CDH13: variants seen among roughly 807,000 people sequenced by gnomAD.
CDH13 encodes cadherin-13.
In CDH13, 24 loss-of-function variants were observed where a neutral mutation model predicts 63.8. The ratio of observed to expected loss-of-function variants is 0.38; its 90% CI spans 0.27 to 0.53. CDH13 has a LOEUF of 0.53. CDH13 is among the 20% of genes least tolerant of loss of function. The pLI is 0.85. For synonymous variants in CDH13, 503 were observed against 355.3 expected (o/e 1.42, Z -4.67); for missense variants, 1,049 against 903.1 (o/e 1.16, Z -2.07).
At chr16:82,733,001 G>C (rs1388974635) in intron 1 of CDH13, among the ~76,000 whole-genome samples, 5 of 152,146 alleles carry the variant, frequency 3.3e-5, no homozygotes, top group African/African-American at 1.2e-4. Context: ...TTGTTTTTCT[G>C]CTTTCTCAAC....
At position 83,634,143 on chromosome 16, in the gene CDH13, G is replaced by T. The variant is rs1275545569; in HGVS notation, c.1101+31549G>T. ...TGTGTGTGTGTGTGTGTATGTGTGTGTGTGTGTGTGTGTGTGTGGTCCTAC... is the reference window on the plus strand; with the variant it reads ...TGTGTGTGTGTGTGTGTATGTGTGTTTGTGTGTGTGTGTGTGTGGTCCTAC... On this transcript the variant is annotated intron_variant, in intron 8 of 13. Transcript: ENST00000567109. Among the ~76,000 whole-genome samples the T allele has an allele frequency of 3.3e-5, 5 of 151,794 alleles. No homozygotes were observed. The East Asian group carries it at 9.7e-4, about 29-fold the overall frequency.
At chr16:82,720,157 C>T (rs1312691119) in intron 1 of CDH13, among the ~76,000 whole-genome samples, 1 of 151,980 alleles carries the variant, frequency 6.6e-6, no homozygotes, top group Non-Finnish European at 1.5e-5. Flanking sequence ...TTTGGTGAAT[C>T]AGTGAGTGAC....
At position 83,557,445 on chromosome 16, in the gene CDH13, G is replaced by T. The variant is rs9934248; in HGVS notation, c.961-45009G>T. ...CAAAACTGGTCCCTCATGCTGAAAA[G>T]GTTGGGGACTGATGTTCTATGTATA... On this transcript the variant is annotated intron_variant, in intron 7 of 13. Transcript: ENST00000567109. Among the ~76,000 whole-genome samples, 5 of 152,242 alleles carry T rather than the reference G, an allele frequency of 3.3e-5. 1 individual carries two copies. The highest frequency in any genetic ancestry group is 1.9e-4 in the East Asian group (1 of 5,190).
intron 1 of CDH13, among the ~76,000 whole-genome samples, chr16:82,764,016 G>C (rs909982167): frequency 1.3e-5 from 2 of 152,198 alleles, no homozygotes; most frequent in African/African-American, 4.8e-5. Context: ...ACAAGGACTG[G>C]TTGCATCTCA....
At chr16:83,302,343 C>A (rs369796923) in intron 5 of CDH13, among the ~76,000 whole-genome samples, 1 of 152,106 alleles carries the variant, frequency 6.6e-6, no homozygotes, top group Non-Finnish European at 1.5e-5. Context: ...TAGATAATTC[C>A]ATGGCAATCA....
chr16:83,248,399 C>G (rs1905174181), intron 5 of CDH13, among the ~76,000 whole-genome samples: 1 of 152,050 alleles, frequency 6.6e-6, no homozygotes, highest in Non-Finnish European at 1.5e-5. Context: ...CAGAAACTTC[C>G]CCTAGATCAG....
At chr16:82,983,540 G>A (rs1910555809) in intron 2 of CDH13, among the ~76,000 whole-genome samples, 1 of 152,174 alleles carries the variant, frequency 6.6e-6, no homozygotes, top group Non-Finnish European at 1.5e-5. Context: ...ACCAGACGAT[G>A]CAAACTCCTT....
chr16:82,692,391 A>G (rs75462278), intron 1 of CDH13, among the ~76,000 whole-genome samples: 11,239 of 152,280 alleles, frequency 0.074, 687 homozygotes, highest in East Asian at 0.33. Flanking sequence ...AGGCTTCACA[A>G]TCATGGTGGA....
At chr16:83,128,275 G>C (rs2035898721) in intron 4 of CDH13, among the ~76,000 whole-genome samples, 1 of 152,164 alleles carries the variant, frequency 6.6e-6, no homozygotes, top group African/African-American at 2.4e-5. Context: ...GTCTTAAGCA[G>C]TCCTCCAAGA....
chr16:82,884,685 A>T (rs1418856563), intron 2 of CDH13, among the ~76,000 whole-genome samples: 1 of 152,246 alleles, frequency 6.6e-6, no homozygotes, highest in East Asian at 1.9e-4. Context: ...ATGCAATTGA[A>T]CTGGAAACAG....
At chr16:83,183,014 A>T (rs186734557) in intron 4 of CDH13, among the ~76,000 whole-genome samples, 2 of 152,292 alleles carry the variant, frequency 1.3e-5, no homozygotes, top group Admixed American at 6.5e-5. Context: ...ATTAAAAAAA[A>T]ACTGTGACCT....
chr16:82,736,257 A>C (rs1003568901), intron 1 of CDH13, among the ~76,000 whole-genome samples: 4 of 152,168 alleles, frequency 2.6e-5, no homozygotes, highest in Non-Finnish European at 4.4e-5. Context: ...TGGATGCCTA[A>C]CTAAATATAT....
chr16:82,916,591 A>G (rs548227607), intron 2 of CDH13, among the ~76,000 whole-genome samples: 1 of 152,202 alleles, frequency 6.6e-6, no homozygotes, highest in East Asian at 1.9e-4. Flanking sequence ...AAATAAATAA[A>G]TAAAGTAAAA....
chr16:83,381,033 A>T (rs531742725), intron 6 of CDH13, among the ~76,000 whole-genome samples: 33 of 152,056 alleles, frequency 2.2e-4, no homozygotes, highest in Non-Finnish European at 4.4e-4. Flanking sequence ...TTTAAAATAC[A>T]TGGTTTTATT....
chr16:83,088,469 G>C (rs2033724029), intron 3 of CDH13, among the ~76,000 whole-genome samples: 1 of 152,150 alleles, frequency 6.6e-6, no homozygotes, highest in Non-Finnish European at 1.5e-5. Flanking sequence ...GAACCACAAA[G>C]CCCAGAGTTT....
intron 1 of CDH13, among the ~76,000 whole-genome samples, chr16:82,726,170 G>T (rs1191925628): frequency 6.6e-6 from 1 of 152,146 alleles, no homozygotes. Context: ...GCGCACGGTA[G>T]GTTATACAGC....
chr16:82,980,410 A>C (rs1042691284), intron 2 of CDH13, among the ~76,000 whole-genome samples: 1 of 152,232 alleles, frequency 6.6e-6, no homozygotes, highest in African/African-American at 2.4e-5. Flanking sequence ...AACAGAAGCT[A>C]TCCAGCCTGG....
At chr16:83,763,399 CT>C (rs1567580078) in intron 11 of CDH13, among the ~76,000 whole-genome samples, 1 of 148,428 alleles carries the variant, frequency 6.7e-6, no homozygotes, top group Non-Finnish European at 1.5e-5. Flanking sequence ...TCAAAATATG[CT>C]TAGATTGATT....
intron 6 of CDH13, among the ~76,000 whole-genome samples, chr16:83,466,736 T>C (rs2073326692): frequency 6.6e-6 from 1 of 152,208 alleles, no homozygotes; most frequent in South Asian, 2.1e-4. Context: ...TTCAGGTGCA[T>C]CTGCCATCCT....
Sources: allele counts gnomAD v4.1 joint callset (sites outside exome capture counted in the v4.1 genomes callset), GRCh38; gene constraint gnomAD v4.1.1; transcripts MANE v1.5; gene names NCBI Gene and HGNC (gene_info 2026-07-23, HGNC 2026-07-21).